PHEX: variants seen among roughly 807,000 people sequenced by gnomAD.
The protein encoded by PHEX is phosphate-regulating neutral endopeptidase PHEX.
In PHEX, 16 loss-of-function variants were observed where a neutral mutation model predicts 68.0. The observed-to-expected ratio is 0.24, with a 90% CI of 0.16 to 0.36. The LOEUF is 0.36. PHEX is among the 10% of genes least tolerant of loss of function. The pLI is 1.00. For missense variants in PHEX, 480 were observed against 575.5 expected, an observed-to-expected ratio of 0.83 and a Z score of 1.70; for synonymous variants, 208 against 205.1, an observed-to-expected ratio of 1.01 and a Z score of -0.12.
intron 20 of PHEX, among the ~76,000 whole-genome samples, chrX:22,235,605 T>C (rs1321046204): frequency 9.0e-6 from 1 of 111,230 alleles, no homozygotes; most frequent in Admixed American, 9.5e-5. Flanking sequence ...TCCTGAGGGC[T>C]CCACCCTCAT....
chrX:22,104,208 C>T (rs1430278973), intron 9 of PHEX, among the ~76,000 whole-genome samples: 1 of 111,654 alleles, frequency 9.0e-6, no homozygotes, highest in East Asian at 2.8e-4. Flanking sequence ...TTATATTACT[C>T]CCACTGCCAG....
chrX:22,170,073 G>T (rs1203899219), intron 13 of PHEX, among the ~76,000 whole-genome samples: 1 of 112,015 alleles, frequency 8.9e-6, no homozygotes, highest in East Asian at 2.8e-4. Context: ...ACTCAAGCGT[G>T]AATTTCTACC....
intron 20 of PHEX, among the ~76,000 whole-genome samples, chrX:22,240,072 A>AG (rs1936132292): frequency 1.8e-5 from 2 of 112,213 alleles, no homozygotes; most frequent in East Asian, 5.6e-4. Context: ...CAGAAGAGAG[A>AG]GGGGGCAAGT....
At chrX:22,207,695 A>T (rs1934754951) in intron 15 of PHEX, among the ~76,000 whole-genome samples, 1 of 111,523 alleles carries the variant, frequency 9.0e-6, no homozygotes, top group African/African-American at 3.3e-5. Flanking sequence ...TTTACCTGAC[A>T]TTGTCACCGT....
intron 2 of PHEX, among the ~76,000 whole-genome samples, chrX:22,041,983 C>A (rs1265401105): frequency 2.7e-5 from 3 of 111,323 alleles, no homozygotes; most frequent in Admixed American, 9.6e-5. Flanking sequence ...TTTGCTGTTT[C>A]TGGAGTGAAA....
rs187522891 is a variant in PHEX at position 22,248,901 on chromosome X, C to T, written c.*948C>T. ...CATTGAGAAAACAATTTTCTGATTC[C>T]CCATTAGGAACATATGATTTTCATT... On this transcript the variant is annotated 3_prime_UTR_variant, in exon 22 of 22. Transcript: ENST00000379374. The T allele has an allele frequency of 2.8e-5, 3 of 107,890 alleles. No homozygotes were observed. In the East Asian group the frequency reaches 8.6e-4, roughly 31 times the overall value. 8.9% of individuals were successfully genotyped at this position (107,890 alleles called of 1,213,427 possible).
chrX:22,106,740 C>T (rs1240935213), intron 9 of PHEX, among the ~76,000 whole-genome samples: 1 of 103,809 alleles, frequency 9.6e-6, no homozygotes, highest in Non-Finnish European at 2.0e-5. Flanking sequence ...TGCCATTACA[C>T]TCCAGCCTGG....
At chrX:22,237,103 A>T (rs1936007827) in intron 20 of PHEX, among the ~76,000 whole-genome samples, 1 of 112,490 alleles carries the variant, frequency 8.9e-6, no homozygotes, top group Non-Finnish European at 1.9e-5. Flanking sequence ...TATAAGGAGT[A>T]AAATTACTTT....
At chrX:22,245,747 C>T (rs780537251) in intron 21 of PHEX, among the ~76,000 whole-genome samples, 22 of 111,599 alleles carry the variant, frequency 2.0e-4, no homozygotes, top group Admixed American at 9.6e-5. Flanking sequence ...TATTACATCC[C>T]ATTATCTTCT....
chrX:22,084,539 GTTTTTT>G lies in PHEX; in HGVS notation c.664-5876_664-5871del, dbSNP rs76410908. ...GTTTGGAAGTATTCCCTTCTCTTCA[GTTTTTT>G]TTTTTTTTTTTTTGGAAGAGTTTGA... is the stretch of plus-strand genomic sequence containing the variant. On this transcript the variant is annotated intron_variant, in intron 5 of 21. Transcript: ENST00000379374. 6.8e-3 allele frequency among the ~76,000 whole-genome samples: 512 copies of G among 75,820 alleles called. 5 individuals carry two copies. The highest frequency in any genetic ancestry group is 0.023 in the African/African-American group (482 of 20,844). 65.8% of individuals were successfully genotyped at this position (75,820 alleles called of 115,157 possible). A position where few individuals can be genotyped will look rare whatever the true frequency, so the allele number is the denominator to read the frequency against.
At chrX:22,050,573 GA>G (rs5901695) in intron 3 of PHEX, among the ~76,000 whole-genome samples, 254 of 49,620 alleles carry the variant, frequency 5.1e-3, no homozygotes, top group African/African-American at 0.014. Flanking sequence ...TTCATCTCAG[GA>G]AAAAAAAAAA....
At chrX:22,084,864 TTTTA>T (rs1405731476) in intron 5 of PHEX, among the ~76,000 whole-genome samples, 6 of 111,439 alleles carry the variant, frequency 5.4e-5, no homozygotes, top group Admixed American at 4.8e-4. Flanking sequence ...TCATTTCTGA[TTTTA>T]TTTATTTGTG....
In PHEX at chrX:22,046,819, G is replaced by A. The variant is rs748696296; in HGVS notation, c.188-231G>A. 9.9e-5 allele frequency among the ~76,000 whole-genome samples: 11 copies of A among 110,818 alleles called. No homozygotes were observed. In the South Asian group the frequency reaches 4.2e-3, roughly 43 times the overall value. ...TGACCTGAGGTGGTCCACCTGCCTCGGCCTCCTAAAGTGCTGGGATTACAG... is the reference window on the plus strand; with the variant it reads ...TGACCTGAGGTGGTCCACCTGCCTCAGCCTCCTAAAGTGCTGGGATTACAG... On this transcript the variant is annotated intron_variant, in intron 2 of 21. Coordinates refer to ENST00000379374, the MANE Select transcript of PHEX (RefSeq NM_000444.6).
intron 20 of PHEX, among the ~76,000 whole-genome samples, chrX:22,233,096 T>G (rs1408919060): frequency 1.8e-5 from 2 of 111,756 alleles, no homozygotes; most frequent in Non-Finnish European, 3.8e-5. Flanking sequence ...GGTTGAAAAT[T>G]CTTTTCTTTT....
chrX:22,058,654 C>G (rs1928224047), intron 3 of PHEX, among the ~76,000 whole-genome samples: 1 of 111,956 alleles, frequency 8.9e-6, no homozygotes, highest in Admixed American at 9.5e-5. Flanking sequence ...ATCTAATTGT[C>G]AGATAACACA....
At chrX:22,109,250 A>C (rs951574397) in intron 9 of PHEX, among the ~76,000 whole-genome samples, 11 of 112,188 alleles carry the variant, frequency 9.8e-5, no homozygotes, top group Admixed American at 9.5e-5. Flanking sequence ...TTTTTGAAAT[A>C]GTCAAGAAGA....
intron 15 of PHEX, 109 bp downstream of exon 15, chrX:22,190,611 G>T: frequency 1.7e-6 from 1 of 593,752 alleles, no homozygotes. Context: ...AAAGTGGCAG[G>T]GTATGCTGGT....
intron 1 of PHEX, among the ~76,000 whole-genome samples, chrX:22,036,039 T>C (rs866010258): frequency 6.7e-5 from 3 of 45,067 alleles, no homozygotes; most frequent in African/African-American, 2.7e-4. Context: ...CACGTACATA[T>C]ATATATATAT....
chrX:22,073,533 C>T (rs1475694029), intron 3 of PHEX, among the ~76,000 whole-genome samples: 1 of 108,197 alleles, frequency 9.2e-6, no homozygotes, highest in Non-Finnish European at 1.9e-5. Flanking sequence ...TTTGATGGAG[C>T]ATAGTGAGAA....
Sources: allele counts gnomAD v4.1 joint callset (sites outside exome capture counted in the v4.1 genomes callset), GRCh38; gene constraint gnomAD v4.1.1; transcripts MANE v1.5; gene names NCBI Gene and HGNC (gene_info 2026-07-23, HGNC 2026-07-21).